SHROOM4: variants seen among roughly 807,000 people sequenced by gnomAD.
SHROOM4 encodes shroom family member 4, also known as protein Shroom4.
SHROOM4 carries 17 observed loss-of-function variants against 80.3 expected under a neutral mutation model. The observed-to-expected ratio is 0.21, with a 90% confidence interval of 0.14 to 0.32. The LOEUF is 0.32. SHROOM4 is among the 10% of genes least tolerant of loss of function. The pLI is 1.00. For synonymous variants in SHROOM4, 400 were observed against 437.5 expected (o/e 0.91, Z 1.07); for missense variants, 993 against 1,140.3 (o/e 0.87, Z 1.86).
At chrX:50,683,670 C>T (rs1932992722) in intron 2 of SHROOM4, among the ~76,000 whole-genome samples, 1 of 111,423 alleles carries the variant, frequency 9.0e-6, no homozygotes, top group Non-Finnish European at 1.9e-5. Context: ...GGAGGAGAAG[C>T]AGATTTTATC....
intron 1 of SHROOM4, among the ~76,000 whole-genome samples, chrX:50,700,786 T>C (rs1557263491): frequency 1.8e-5 from 2 of 111,976 alleles, no homozygotes; most frequent in Non-Finnish European, 3.8e-5. Flanking sequence ...TTTACACCAG[T>C]TTTCCAAAAG....
chrX:50,754,264 AC>A (rs1386501952), intron 1 of SHROOM4, among the ~76,000 whole-genome samples: 2 of 111,653 alleles, frequency 1.8e-5, no homozygotes, highest in Admixed American at 1.9e-4. Flanking sequence ...GGAAGGAGCT[AC>A]AGAACTGGAG....
chrX:50,772,357 A>T (rs1255199063), intron 1 of SHROOM4, among the ~76,000 whole-genome samples: 1 of 111,276 alleles, frequency 9.0e-6, no homozygotes. Flanking sequence ...GGTATGTAAT[A>T]CTGTCCCCAT....
At chrX:50,649,446 G>GCTT (rs1323341019) in intron 2 of SHROOM4, among the ~76,000 whole-genome samples, 2 of 111,627 alleles carry the variant, frequency 1.8e-5, no homozygotes, top group African/African-American at 6.5e-5. Flanking sequence ...AGTGAGAAGA[G>GCTT]GAAGAAGAGC....
intron 2 of SHROOM4, among the ~76,000 whole-genome samples, chrX:50,646,997 T>G (rs1209549854): frequency 9.0e-6 from 1 of 111,483 alleles, no homozygotes; most frequent in Non-Finnish European, 1.9e-5. Flanking sequence ...TTGAAATCTT[T>G]AAGACACAGG....
intron 1 of SHROOM4, among the ~76,000 whole-genome samples, chrX:50,780,581 T>C (rs782800933): frequency 8.9e-5 from 10 of 111,782 alleles, no homozygotes; most frequent in South Asian, 3.8e-4. Flanking sequence ...AAGCACTATA[T>C]GGGTTAGTAG....
chrX:50,604,951 T>C (rs1929601363), intron 6 of SHROOM4, among the ~76,000 whole-genome samples: 1 of 112,450 alleles, frequency 8.9e-6, no homozygotes, highest in African/African-American at 3.2e-5. Flanking sequence ...CCAGCATTTT[T>C]TAACAGAACA....
intron 1 of SHROOM4, among the ~76,000 whole-genome samples, chrX:50,786,119 T>C (rs782616959): frequency 1.8e-5 from 2 of 111,685 alleles, no homozygotes; most frequent in Non-Finnish European, 3.8e-5. Context: ...GCATAATAAC[T>C]TCCCCCTGTA....
chrX:50,657,754 G>A (rs781852358), intron 2 of SHROOM4, among the ~76,000 whole-genome samples: 1 of 108,959 alleles, frequency 9.2e-6, no homozygotes, highest in Admixed American at 9.7e-5. Flanking sequence ...CTATTTGAAT[G>A]GTTTTCCTTC....
At chrX:50,627,586 C>T in intron 5 of SHROOM4, 28 bp downstream of exon 5, 1 of 1,190,278 alleles carries the variant, frequency 8.4e-7, no homozygotes. Flanking sequence ...GGCACCAACC[C>T]ACCCCAACTC....
intron 3 of SHROOM4, among the ~76,000 whole-genome samples, chrX:50,637,610 G>A (rs782443829): frequency 8.9e-6 from 1 of 112,589 alleles, no homozygotes; most frequent in South Asian, 3.7e-4. Flanking sequence ...ATCCCTTCTT[G>A]GAGGGAAGCT....
chrX:50,696,658 T>C (rs1933378437), intron 1 of SHROOM4, among the ~76,000 whole-genome samples: 1 of 112,518 alleles, frequency 8.9e-6, no homozygotes, highest in Non-Finnish European at 1.9e-5. Flanking sequence ...GCTGCTTCTT[T>C]ATCTATGTCT....
At position 50,772,010 on chromosome X, in the gene SHROOM4, GTGTGT is replaced by G. The variant is rs1935405220; in HGVS notation, c.117+41887_117+41891del. Among the ~76,000 whole-genome samples the G allele has an allele frequency of 8.5e-4, 7 of 8,280 alleles. No homozygotes were observed. In the Non-Finnish European group the frequency reaches 0.11, roughly 129 times the overall value. The allele number at this position is 8,280 out of a possible 115,157, so 7.2% of individuals were successfully genotyped here. On this transcript the variant is annotated intron_variant, in intron 1 of 8. Transcript: ENST00000376020. ...CATATAATATGACCTTGTTTTTTAT[GTGTGT>G]GTGTGTGTGTGTGTGTGTGTGTGTA... is the stretch of plus-strand genomic sequence containing the variant.
At chrX:50,642,228 C>A (rs1931630071) in intron 2 of SHROOM4, among the ~76,000 whole-genome samples, 1 of 112,087 alleles carries the variant, frequency 8.9e-6, no homozygotes, top group Admixed American at 9.4e-5. Context: ...GATTTTTTAT[C>A]TGCAAAATGG....
At chrX:50,679,602 C>T (rs782173940) in intron 2 of SHROOM4, among the ~76,000 whole-genome samples, 5 of 111,038 alleles carry the variant, frequency 4.5e-5, no homozygotes, top group Admixed American at 2.9e-4. Context: ...TTTGGGGGTA[C>T]GTGATATTGT....
At chrX:50,640,610 C>G (rs1931555932) in intron 2 of SHROOM4, among the ~76,000 whole-genome samples, 1 of 111,732 alleles carries the variant, frequency 8.9e-6, no homozygotes, top group African/African-American at 3.3e-5. Flanking sequence ...AATTGGGGTA[C>G]TCTCCTATTC....
At chrX:50,765,306 G>T (rs1228483732) in intron 1 of SHROOM4, among the ~76,000 whole-genome samples, 1 of 112,103 alleles carries the variant, frequency 8.9e-6, no homozygotes, top group Non-Finnish European at 1.9e-5. Context: ...AATTCATTAG[G>T]TGTATGCTCA....
At chrX:50,780,067 G>A (rs1253615697) in intron 1 of SHROOM4, among the ~76,000 whole-genome samples, 4 of 111,662 alleles carry the variant, frequency 3.6e-5, no homozygotes, top group Non-Finnish European at 5.6e-5. Flanking sequence ...AAAAAAGTAT[G>A]CAAAAGAGTC....
At chrX:50,635,788 A>G in intron 3 of SHROOM4, 120 bp from the exon 4 acceptor site, 1 of 612,476 alleles carries the variant, frequency 1.6e-6, no homozygotes, top group Non-Finnish European at 2.6e-6. Context: ...GCAAAAAAAA[A>G]AAAGGGGGAA....
Sources: allele counts gnomAD v4.1 joint callset (sites outside exome capture counted in the v4.1 genomes callset), GRCh38; gene constraint gnomAD v4.1.1; transcripts MANE v1.5; gene names NCBI Gene and HGNC (gene_info 2026-07-23, HGNC 2026-07-21).